The following RBFOX1 variants were observed in gnomAD, a reference collection of about 807,000 sequenced individuals.
The protein encoded by RBFOX1 is RNA binding protein fox-1 homolog 1.
A neutral mutation model predicts 57.7 loss-of-function variants in RBFOX1; 8 were observed. The ratio of observed to expected loss-of-function variants is 0.14; its 90% CI spans 0.08 to 0.25. The LOEUF (loss-of-function observed/expected upper bound fraction) is 0.25, where lower values mean the gene tolerates loss of function less well. Ranked by LOEUF, RBFOX1 falls within the 10% of genes least tolerant of loss-of-function variation. The probability of loss-of-function intolerance (pLI) is 1.00; values close to 1 mark genes in which losing one functional copy is unlikely to be tolerated. For missense variants in RBFOX1, 611 were observed against 548.5 expected (o/e 1.11, Z -1.14); for synonymous variants, 326 against 222.4 (o/e 1.47, Z -4.15).
intron 2 of RBFOX1, among the ~76,000 whole-genome samples, chr16:5,581,383 A>T (rs571117577): frequency 6.6e-6 from 1 of 152,174 alleles, no homozygotes; most frequent in Non-Finnish European, 1.5e-5. Context: ...TCCAATACCT[A>T]TGTGTGTCAG....
intron 2 of RBFOX1, among the ~76,000 whole-genome samples, chr16:6,384,147 G>A (rs1482880218): frequency 6.6e-6 from 1 of 150,562 alleles, no homozygotes; most frequent in East Asian, 2.0e-4. Context: ...GAAAGGTGCT[G>A]GATCATTAAT....
At chr16:6,856,527 A>G (rs981642121) in intron 3 of RBFOX1, among the ~76,000 whole-genome samples, 1 of 152,138 alleles carries the variant, frequency 6.6e-6, no homozygotes, top group African/African-American at 2.4e-5. Context: ...TAAGAAAGGA[A>G]AATGCTCCCT....
chr16:7,120,570 A>C (rs187245165), intron 4 of RBFOX1, among the ~76,000 whole-genome samples: 2 of 151,938 alleles, frequency 1.3e-5, no homozygotes, highest in Admixed American at 1.3e-4. Context: ...CATTACCAAA[A>C]CTTATTCAAA....
intron 1 of RBFOX1, among the ~76,000 whole-genome samples, chr16:5,377,142 C>T (rs572173157): frequency 2.0e-5 from 3 of 151,724 alleles, no homozygotes; most frequent in African/African-American, 4.9e-5. Context: ...TGGTTGAGCA[C>T]CTGCTGTATA....
intron 1 of RBFOX1, among the ~76,000 whole-genome samples, chr16:5,393,170 T>C (rs563102792): frequency 5.9e-5 from 9 of 152,216 alleles, no homozygotes; most frequent in African/African-American, 2.2e-4. Context: ...CCTCATCCTT[T>C]CTCTGATGGC....
chr16:5,392,403 C>T (rs1050862029), intron 1 of RBFOX1, among the ~76,000 whole-genome samples: 1 of 152,058 alleles, frequency 6.6e-6, no homozygotes, highest in Admixed American at 6.5e-5. Context: ...AAGTCGCATT[C>T]ATTGGTACTG....
At chr16:5,766,455 C>A (rs561889203) in intron 3 of RBFOX1, among the ~76,000 whole-genome samples, 1 of 152,056 alleles carries the variant, frequency 6.6e-6, no homozygotes, top group Non-Finnish European at 1.5e-5. Context: ...TGTGGTGGCA[C>A]ATGCCTGTAG....
intron 4 of RBFOX1, among the ~76,000 whole-genome samples, chr16:7,098,409 A>G (rs1014178311): frequency 6.6e-6 from 1 of 152,144 alleles, no homozygotes; most frequent in African/African-American, 2.4e-5. Flanking sequence ...ACCTCAAGTG[A>G]TCCACCTGCC....
intron 4 of RBFOX1, among the ~76,000 whole-genome samples, chr16:5,914,486 C>T (rs899130094): frequency 6.6e-6 from 1 of 152,162 alleles, no homozygotes; most frequent in African/African-American, 2.4e-5. Context: ...TGCTTGTAAG[C>T]TCACTCATGT....
chr16:7,710,937 G>GTCTT lies in RBFOX1; in HGVS notation c.*194_*197dup. 3.0e-6 allele frequency: 2 copies of GTCTT among 670,370 alleles called. No homozygotes were observed. The highest frequency in any genetic ancestry group is 4.3e-6 in the Non-Finnish European group (2 of 465,826). The allele number at this position is 670,370 out of a possible 1,614,324, so 41.5% of individuals were successfully genotyped here. ...TGTTCTGTGTATTTTAATATTGTGG[G>GTCTT]TCTTTAATTTCTGAAGGTTCCGTAG... On this transcript the variant is annotated 3_prime_UTR_variant, in exon 16 of 16. Transcript: ENST00000550418.
intron 4 of RBFOX1, among the ~76,000 whole-genome samples, chr16:7,205,083 T>A (rs1056301859): frequency 1.3e-5 from 2 of 152,164 alleles, no homozygotes; most frequent in African/African-American, 4.8e-5. Context: ...ACATGTGGAA[T>A]ATTTACTTCC....
At chr16:6,217,827 G>A (rs1035398053) in intron 1 of RBFOX1, among the ~76,000 whole-genome samples, 4 of 152,096 alleles carry the variant, frequency 2.6e-5, no homozygotes, top group African/African-American at 9.7e-5. Context: ...CCAGCCGGGC[G>A]AACATGGCAA....
chr16:5,704,784 A>C (rs2151489936), intron 3 of RBFOX1, among the ~76,000 whole-genome samples: 1 of 152,282 alleles, frequency 6.6e-6, no homozygotes, highest in East Asian at 1.9e-4. Context: ...CTCTGGCAGC[A>C]CATATAATGA....
intron 3 of RBFOX1, among the ~76,000 whole-genome samples, chr16:6,944,757 A>G (rs865799413): frequency 6.6e-6 from 1 of 152,184 alleles, no homozygotes. Context: ...TCCTGTTGCC[A>G]TAGTACCCTC....
rs190773230 is a variant in RBFOX1, at chr16:6,750,679, C to G, written c.-16+96029C>G. 2.8e-4 allele frequency among the ~76,000 whole-genome samples: 42 copies of G among 152,300 alleles called. 1 individual carries two copies. The East Asian group carries it at 5.0e-3, about 18-fold the overall frequency. On this transcript the variant is annotated intron_variant, in intron 3 of 15. Transcript: ENST00000550418. ...GCTGGGACAGGGGTGTTCATTGATT[C>G]ATTCATTCATGCATTCATTCATTAT...
intron 7 of RBFOX1, among the ~76,000 whole-genome samples, chr16:7,588,806 C>A (rs889882514): frequency 6.6e-6 from 1 of 152,070 alleles, no homozygotes; most frequent in African/African-American, 2.4e-5. Context: ...CAGCCTTCCT[C>A]CCTCCTAAGT....
At chr16:5,908,222 A>G (rs1335534025) in intron 4 of RBFOX1, among the ~76,000 whole-genome samples, 3 of 145,156 alleles carry the variant, frequency 2.1e-5, no homozygotes, top group Non-Finnish European at 4.4e-5. Context: ...ATATACATAT[A>G]TACACACATA....
intron 2 of RBFOX1, among the ~76,000 whole-genome samples, chr16:6,325,732 G>C (rs2082296755): frequency 6.6e-6 from 1 of 152,196 alleles, no homozygotes; most frequent in Admixed American, 6.5e-5. Context: ...TCCAAATTCA[G>C]GAGGCTAGAA....
At position 6,630,636 on chromosome 16, in the gene RBFOX1, C is replaced by T. The variant is rs138227196; in HGVS notation, c.-63-23967C>T. Among the ~76,000 whole-genome samples, 106 of 152,278 alleles carry T rather than the reference C, an allele frequency of 7.0e-4. No individual in the cohort carries two copies. In the East Asian group the frequency reaches 9.3e-3, roughly 13 times the overall value. The stretch of plus-strand genomic sequence containing the variant: ...GTAGGAATCAGAAACCCAATTTGGG[C>T]CCAGAACTAGCTGATTGGTAATACT... On this transcript the variant is annotated intron_variant, in intron 2 of 15. Coordinates refer to ENST00000550418, the MANE Select transcript of RBFOX1 (RefSeq NM_018723.4).
Sources: allele counts gnomAD v4.1 joint callset (sites outside exome capture counted in the v4.1 genomes callset), GRCh38; gene constraint gnomAD v4.1.1; transcripts MANE v1.5; gene names NCBI Gene and HGNC (gene_info 2026-07-23, HGNC 2026-07-21).